Variants in EDEM3 observed in about 807,000 individuals in gnomAD.
EDEM3 encodes the protein ER degradation-enhancing alpha-mannosidase-like protein 3.
A neutral mutation model predicts 110.2 loss-of-function variants in EDEM3; 60 were observed. The observed-to-expected ratio is 0.54, with a 90% CI of 0.44 to 0.67. EDEM3 has a LOEUF of 0.67. Ranked by LOEUF, EDEM3 falls within the 30% of genes least tolerant of loss-of-function variation. The probability of loss-of-function intolerance (pLI) is 0.00; values close to 1 mark genes in which losing one functional copy is unlikely to be tolerated. For missense variants in EDEM3, 996 were observed against 1,121.0 expected, an observed-to-expected ratio of 0.89 and a Z score of 1.59; for synonymous variants, 352 against 382.9, an observed-to-expected ratio of 0.92 and a Z score of 0.94.
In EDEM3 at chr1:184,713,947, T is replaced by G. The variant is rs1650402573; in HGVS notation, c.1371-1349A>C. ...TCATTTTTCCTACATACACATGATTTTTTATTTTGGAACAAAAACTCACCT... is the reference window on the plus strand; with the variant it reads ...TCATTTTTCCTACATACACATGATTGTTTATTTTGGAACAAAAACTCACCT... On this transcript the variant is annotated intron_variant, in intron 13 of 19. Coordinates refer to ENST00000318130, the MANE Select transcript of EDEM3 (RefSeq NM_025191.4). 3.3e-5 allele frequency among the ~76,000 whole-genome samples: 5 copies of G among 152,376 alleles called. No homozygotes were observed. In the South Asian group the frequency reaches 1.0e-3, roughly 32 times the overall value.
At chr1:184,711,470 C>G (rs1247023932) in intron 15 of EDEM3, among the ~76,000 whole-genome samples, 1 of 152,076 alleles carries the variant, frequency 6.6e-6, no homozygotes, top group Non-Finnish European at 1.5e-5. Context: ...ATGCTGCCCA[C>G]TATTATTACC....
Position 184,754,674 on chromosome 1 carries a change from T to G in EDEM3, c.-28A>C. The G allele has an allele frequency of 1.3e-6, 2 of 1,514,816 alleles. No individual in the cohort carries two copies. Among genetic ancestry groups the G allele is most frequent in the Non-Finnish European group, 1.8e-6 (2 of 1,133,328 alleles). The allele number at this position is 1,514,816 out of a possible 1,614,324, so 93.8% of individuals were successfully genotyped here. A position where few individuals can be genotyped will look rare whatever the true frequency, so the allele number is the denominator to read the frequency against. ...CCCCGCGGTTCCGCGCACGCGCAGC[T>G]GCTACGCCCGGCCGGTGAGACACAT... On this transcript the variant is annotated 5_prime_UTR_variant, in exon 1 of 20. Coordinates refer to ENST00000318130, the MANE Select transcript of EDEM3 (RefSeq NM_025191.4).
At chr1:184,714,616 G>A (rs992464773) in intron 13 of EDEM3, among the ~76,000 whole-genome samples, 2 of 152,102 alleles carry the variant, frequency 1.3e-5, no homozygotes, top group African/African-American at 4.8e-5. Flanking sequence ...GGCACTGGTT[G>A]GGGTCCAACC....
chr1:184,706,617 A>C (rs760935472), intron 18 of EDEM3, 26 bp downstream of exon 18: 1 of 1,556,472 alleles, frequency 6.4e-7, no homozygotes, highest in South Asian at 1.2e-5. Context: ...CCTTCAGTCA[A>C]CACAATGACA....
intron 8 of EDEM3, 45 bp from the exon 9 acceptor site, chr1:184,721,431 C>G: frequency 6.7e-7 from 1 of 1,498,100 alleles, no homozygotes; most frequent in Non-Finnish European, 9.0e-7. Flanking sequence ...TTTTTAAAAC[C>G]GTTAAATTTT....
intron 9 of EDEM3, chr1:184,720,630 T>C (rs899662771): frequency 2.0e-5 from 3 of 152,112 alleles, no homozygotes; most frequent in Non-Finnish European, 4.4e-5. Context: ...CTCCATACTT[T>C]TAATCACCAT....
chr1:184,703,157 T>G (rs1649722953), intron 18 of EDEM3, among the ~76,000 whole-genome samples, 161 bp from the exon 19 acceptor site: 2 of 152,176 alleles, frequency 1.3e-5, no homozygotes, highest in South Asian at 4.1e-4. Context: ...CATAGAAACG[T>G]ATCCAAAGGA....
intron 14 of EDEM3, 27 bp downstream of exon 14, chr1:184,712,406 A>G (rs1210297134): frequency 6.4e-7 from 1 of 1,565,234 alleles, no homozygotes; most frequent in Admixed American, 2.1e-5. Context: ...TAAAAAAGAG[A>G]ATAAGACATT....
intron 9 of EDEM3, 107 bp downstream of exon 9, chr1:184,721,182 A>C: frequency 1.1e-6 from 1 of 873,622 alleles, no homozygotes; most frequent in Non-Finnish European, 1.8e-6. Flanking sequence ...CAAAACCACT[A>C]CACATTTTAA....
rs1649098680 is a variant in EDEM3, at chr1:184,692,392, A to C, written c.*1671T>G. ...CCAAAGTGAATTCTCCATCAGATTTACTACTCCCTGACTCAATTATATTTA... is the reference window on the plus strand; with the variant it reads ...CCAAAGTGAATTCTCCATCAGATTTCCTACTCCCTGACTCAATTATATTTA... On this transcript the variant is annotated 3_prime_UTR_variant, in exon 20 of 20. Coordinates refer to ENST00000318130, the MANE Select transcript of EDEM3 (RefSeq NM_025191.4). 6.6e-6 allele frequency: 1 copy of C among 152,120 alleles called. No individual in the cohort carries two copies. Among genetic ancestry groups the C allele is most frequent in the Non-Finnish European group, 1.5e-5 (1 of 67,984 alleles). The allele number at this position is 152,120 out of a possible 1,614,324, so 9.4% of individuals were successfully genotyped here.
chr1:184,704,981 G>C (rs1021743006), intron 18 of EDEM3, among the ~76,000 whole-genome samples: 11 of 151,684 alleles, frequency 7.3e-5, no homozygotes, highest in African/African-American at 2.4e-4. Context: ...GAGGCAGGGA[G>C]AATTGCTTGA....
At chr1:184,726,447 G>T in intron 6 of EDEM3, 58 bp from the exon 7 acceptor site, 1 of 1,535,850 alleles carries the variant, frequency 6.5e-7, no homozygotes, top group South Asian at 1.2e-5. Context: ...CTTCTGATAA[G>T]AAACTACTTT....
At chr1:184,710,248 C>T in intron 16 of EDEM3, 146 bp downstream of exon 16, 2 of 938,760 alleles carry the variant, frequency 2.1e-6, no homozygotes, top group Non-Finnish European at 3.0e-6. Flanking sequence ...TTCCAAGATA[C>T]TTCCAAGTCC....
chr1:184,730,649 T>G (rs1173123488), intron 6 of EDEM3, among the ~76,000 whole-genome samples: 1 of 152,158 alleles, frequency 6.6e-6, no homozygotes, highest in Non-Finnish European at 1.5e-5. Context: ...ACTAGAAATT[T>G]AAACAAGAAG....
intron 2 of EDEM3, 47 bp downstream of exon 2, chr1:184,749,500 A>C (rs764832549): frequency 7.2e-7 from 1 of 1,379,612 alleles, no homozygotes; most frequent in African/African-American, 1.5e-5. Context: ...TGCTCACATA[A>C]TAATCAACTC....
chr1:184,710,253 A>G, intron 16 of EDEM3, 141 bp downstream of exon 16: 1 of 989,766 alleles, frequency 1.0e-6, no homozygotes, highest in Non-Finnish European at 1.4e-6. Flanking sequence ...AGATACTTCC[A>G]AGTCCTAAAA....
rs1365514354 is a variant in EDEM3, at chr1:184,720,209, TAAAC to T, written c.952-645_952-642del. 4.6e-5 allele frequency among the ~76,000 whole-genome samples: 7 copies of T among 152,312 alleles called. No homozygotes were observed. The South Asian group carries it at 1.2e-3, about 27-fold the overall frequency. ...TCAAGAAATTCTTGTTATAATCTAA[TAAAC>T]AATCTATGTGATAATTTTAGAAAGT... On this transcript the variant is annotated intron_variant, in intron 9 of 19. Coordinates refer to ENST00000318130, the MANE Select transcript of EDEM3 (RefSeq NM_025191.4).
At chr1:184,744,503 G>T (rs751364198) in intron 2 of EDEM3, among the ~76,000 whole-genome samples, 1 of 151,448 alleles carries the variant, frequency 6.6e-6, no homozygotes, top group Admixed American at 6.6e-5. Context: ...AGAAAAGATT[G>T]GCATTTCTTA....
Position 184,732,817 on chromosome 1 carries a change from TA to T in EDEM3, c.612+19del, listed in dbSNP as rs1651600226. On this transcript the variant is annotated intron_variant, in intron 6 of 19. Transcript: ENST00000318130. ...AGCAAAGAAAGTATATAAAGACTCA[TA>T]TTTTTCAGAAGTACTTACTCTTGGA... 1 of 1,606,728 alleles carries T rather than the reference TA, an allele frequency of 6.2e-7. No individual in the cohort carries two copies. Among genetic ancestry groups the T allele is most frequent in the Admixed American group, 1.7e-5 (1 of 58,832 alleles).
Sources: gnomAD v4.1 joint callset for allele counts (sites outside exome capture counted in the v4.1 genomes callset) on GRCh38, gnomAD v4.1.1 for gene constraint, MANE v1.5 for transcripts, NCBI Gene and HGNC (gene_info 2026-07-23, HGNC 2026-07-21) for gene names.